DPP10: variants seen among roughly 807,000 people sequenced by gnomAD.
The protein encoded by DPP10 is inactive dipeptidyl peptidase 10.
A neutral mutation model predicts 120.9 loss-of-function variants in DPP10; 33 were observed. The ratio of observed to expected loss-of-function variants is 0.27; its 90% confidence interval spans 0.21 to 0.37. The LOEUF (loss-of-function observed/expected upper bound fraction) is 0.37. Ranked by LOEUF, DPP10 falls within the 10% of genes least tolerant of loss-of-function variation. The pLI is 1.00. For missense variants in DPP10, 816 were observed against 942.8 expected (o/e 0.87, Z 1.76); for synonymous variants, 337 against 326.1 (o/e 1.03, Z -0.36).
At position 115,379,106 on chromosome 2, in the gene DPP10, G is replaced by T. The variant is rs550592659; in HGVS notation, c.271+35194G>T. 1.6e-4 allele frequency among the ~76,000 whole-genome samples: 25 copies of T among 152,210 alleles called. No homozygotes were observed. The South Asian group carries it at 4.6e-3, about 28-fold the overall frequency. ...AGGATTCCCTCTTTTTCTATTGATT[G>T]GAATAGTTTCAGAAGGAATGGTACC... On this transcript the variant is annotated intron_variant, in intron 3 of 25. Transcript: ENST00000410059.
chr2:115,298,028 A>G (rs1324492159), intron 1 of DPP10, among the ~76,000 whole-genome samples: 2 of 152,056 alleles, frequency 1.3e-5, no homozygotes, highest in African/African-American at 4.8e-5. Context: ...AGTCCTCACA[A>G]TGCTGAAATG....
intron 5 of DPP10, among the ~76,000 whole-genome samples, chr2:115,621,796 G>C (rs1020091078): frequency 5.9e-5 from 9 of 152,102 alleles, no homozygotes; most frequent in African/African-American, 2.2e-4. Flanking sequence ...TCTCCCCTCA[G>C]ATTCCCAAGT....
intron 3 of DPP10, among the ~76,000 whole-genome samples, chr2:115,352,985 T>A (rs866762219): frequency 4.4e-4 from 67 of 152,080 alleles, no homozygotes; most frequent in African/African-American, 1.4e-3. Flanking sequence ...TCATGACTAA[T>A]ATATACATGT....
chr2:114,551,302 C>T lies in DPP10; in HGVS notation c.60+108464C>T, dbSNP rs556500880. ...TCTCTGGAATGGTCCCCATCATGCC[C>T]GCTGCCCCCCTGCCTGAAAATTTTG... On this transcript the variant is annotated intron_variant, in intron 1 of 25. Coordinates refer to ENST00000410059, the MANE Select transcript of DPP10 (RefSeq NM_020868.6). Among the ~76,000 whole-genome samples the T allele has an allele frequency of 5.3e-5, 8 of 152,240 alleles. No individual in the cohort carries two copies. In the East Asian group the frequency reaches 5.8e-4, roughly 11 times the overall value.
chr2:114,937,893 C>A (rs1051229576), intron 1 of DPP10, among the ~76,000 whole-genome samples: 35 of 152,166 alleles, frequency 2.3e-4, no homozygotes, highest in African/African-American at 8.0e-4. Context: ...AGCAAGATTG[C>A]TGAACAGTCA....
chr2:114,679,078 C>G (rs1052232782), intron 1 of DPP10, among the ~76,000 whole-genome samples: 2 of 152,020 alleles, frequency 1.3e-5, no homozygotes, highest in African/African-American at 4.8e-5. Context: ...GTCCACGGAG[C>G]TGGAATGTAA....
At chr2:115,133,404 A>C (rs1293454025) in intron 1 of DPP10, among the ~76,000 whole-genome samples, 1 of 151,930 alleles carries the variant, frequency 6.6e-6, no homozygotes, top group Non-Finnish European at 1.5e-5. Flanking sequence ...TTGGGTACTT[A>C]CCAGAGTCTA....
chr2:114,477,816 T>C (rs1680571979), intron 1 of DPP10, among the ~76,000 whole-genome samples: 1 of 148,110 alleles, frequency 6.8e-6, no homozygotes, highest in Admixed American at 6.9e-5. Context: ...CATACATATG[T>C]GTGTATATAT....
At chr2:115,711,804 C>T (rs2092323766) in intron 7 of DPP10, among the ~76,000 whole-genome samples, 1 of 151,242 alleles carries the variant, frequency 6.6e-6, no homozygotes, top group African/African-American at 2.4e-5. Context: ...ATAATTGGTT[C>T]TTAAGGTTAC....
intron 1 of DPP10, among the ~76,000 whole-genome samples, chr2:114,513,282 G>T (rs1056355016): frequency 1.3e-5 from 2 of 152,254 alleles, no homozygotes; most frequent in Admixed American, 1.3e-4. Context: ...CAGCACTTTG[G>T]GAGGCCGAGG....
At chr2:115,751,232 G>GA (rs1357440720) in intron 10 of DPP10, among the ~76,000 whole-genome samples, 1 of 151,928 alleles carries the variant, frequency 6.6e-6, no homozygotes, top group Non-Finnish European at 1.5e-5. Context: ...AAATTCTCTA[G>GA]AAAAATCTAT....
intron 1 of DPP10, among the ~76,000 whole-genome samples, chr2:115,172,040 C>T (rs2053386363): frequency 6.6e-6 from 1 of 152,212 alleles, no homozygotes; most frequent in African/African-American, 2.4e-5. Flanking sequence ...CATGAATAAG[C>T]AACTGCTGAT....
At chr2:115,059,364 T>C (rs1164607278) in intron 1 of DPP10, among the ~76,000 whole-genome samples, 1 of 151,194 alleles carries the variant, frequency 6.6e-6, no homozygotes, top group Non-Finnish European at 1.5e-5. Context: ...TTTTTTTTTT[T>C]TTTTGCCTAT....
intron 8 of DPP10, 123 bp from the exon 9 acceptor site, chr2:115,739,615 TA>T: frequency 9.8e-7 from 1 of 1,015,844 alleles, no homozygotes. Flanking sequence ...TCAGGGAAGT[TA>T]ATAAAATTCA....
intron 1 of DPP10, among the ~76,000 whole-genome samples, chr2:114,484,835 CA>C (rs1681359974): frequency 6.6e-6 from 1 of 151,924 alleles, no homozygotes; most frequent in Non-Finnish European, 1.5e-5. Context: ...ACATAGTTAA[CA>C]ATTCAAATGT....
At chr2:115,138,778 G>A (rs2050774375) in intron 1 of DPP10, among the ~76,000 whole-genome samples, 1 of 152,054 alleles carries the variant, frequency 6.6e-6, no homozygotes, top group African/African-American at 2.4e-5. Context: ...TTTACATCTA[G>A]AATTGTACTT....
rs145448125 is a variant in DPP10, at chr2:114,529,948, T to C, written c.60+87110T>C. ...CAAGTGAGAACATGTGGTATTTGGT[T>C]TTCTGTTCCTTTAATTTGCTAAGGA... On this transcript the variant is annotated intron_variant, in intron 1 of 25. Coordinates refer to ENST00000410059, the MANE Select transcript of DPP10 (RefSeq NM_020868.6). Among the ~76,000 whole-genome samples the C allele has an allele frequency of 5.5e-3, 842 of 152,284 alleles. 4 individuals are homozygous for C. Among genetic ancestry groups the C allele is most frequent in the Middle Eastern group, 0.044 (13 of 294 alleles).
intron 3 of DPP10, among the ~76,000 whole-genome samples, chr2:115,384,668 G>A (rs1349890804): frequency 1.4e-5 from 2 of 144,788 alleles, no homozygotes; most frequent in African/African-American, 2.6e-5. Flanking sequence ...AGAAGAAGAA[G>A]AAGGAAGAAG....
intron 3 of DPP10, among the ~76,000 whole-genome samples, chr2:115,493,074 A>G (rs1303237905): frequency 6.6e-6 from 1 of 151,978 alleles, no homozygotes; most frequent in African/African-American, 2.4e-5. Flanking sequence ...GTAGATAATA[A>G]ATATATAAAT....
Sources: gnomAD v4.1 joint callset for allele counts (sites outside exome capture counted in the v4.1 genomes callset) on GRCh38, gnomAD v4.1.1 for gene constraint, MANE v1.5 for transcripts, NCBI Gene and HGNC (gene_info 2026-07-23, HGNC 2026-07-21) for gene names.